Variants in LRP1B observed in about 807,000 individuals in gnomAD.
LRP1B encodes the protein LDL receptor related protein 1B, also known as low-density lipoprotein receptor-related protein 1B.
Under a neutral mutation model 556.6 loss-of-function variants are expected in LRP1B, and 217 were observed. The observed-to-expected ratio is 0.39, with a 90% CI of 0.35 to 0.44. LRP1B has a LOEUF of 0.44. Among genes scored for constraint, LRP1B ranks in the 20% least tolerant of loss-of-function variants. LRP1B has a pLI of 1.00. For synonymous variants in LRP1B, 2,047 were observed against 1,865.8 expected (o/e 1.10, Z -2.50); for missense variants, 5,053 against 5,620.8 (o/e 0.90, Z 3.23).
At chr2:140,743,375 TAGAGATTGGAAAAACAG>T (rs1688203934) in intron 35 of LRP1B, among the ~76,000 whole-genome samples, 1 of 152,104 alleles carries the variant, frequency 6.6e-6, no homozygotes, top group Admixed American at 6.5e-5. Context: ...AAAGAAAGGT[TAGAGATTGGAAAAACAG>T]AGAGATTGGA....
intron 2 of LRP1B, among the ~76,000 whole-genome samples, chr2:141,777,143 T>C (rs1191896151): frequency 2.6e-5 from 4 of 152,196 alleles, no homozygotes; most frequent in Non-Finnish European, 5.9e-5. Flanking sequence ...TAAGACATGA[T>C]TGCCATTTAT....
intron 12 of LRP1B, among the ~76,000 whole-genome samples, chr2:141,018,833 C>T (rs949479161): frequency 6.6e-6 from 1 of 152,044 alleles, no homozygotes; most frequent in Admixed American, 6.6e-5. Context: ...GAAACACTTA[C>T]AATGAGTTCA....
chr2:141,198,053 G>C (rs960289965), intron 6 of LRP1B, among the ~76,000 whole-genome samples: 1 of 151,990 alleles, frequency 6.6e-6, no homozygotes. Context: ...CATTTTCCTC[G>C]ATTTATGTAT....
chr2:141,766,255 G>C (rs896573808), intron 2 of LRP1B, among the ~76,000 whole-genome samples: 1 of 152,184 alleles, frequency 6.6e-6, no homozygotes, highest in African/African-American at 2.4e-5. Flanking sequence ...ATAAGCAGCA[G>C]ATTTGGGTGA....
At chr2:141,269,941 G>GA (rs2105366790) in intron 3 of LRP1B, among the ~76,000 whole-genome samples, 1 of 151,764 alleles carries the variant, frequency 6.6e-6, no homozygotes, top group African/African-American at 2.4e-5. Context: ...GACAACAAAA[G>GA]AAAAAAATAC....
At chr2:141,350,830 C>G (rs1688418598) in intron 3 of LRP1B, among the ~76,000 whole-genome samples, 1 of 151,902 alleles carries the variant, frequency 6.6e-6, no homozygotes, top group African/African-American at 2.4e-5. Flanking sequence ...ATGAGATGAG[C>G]CATAGATTTT....
Position 140,444,316 on chromosome 2 carries a change from T to C in LRP1B, c.10294+14A>G, listed in dbSNP as rs1371734841. ...CAAAGTTAAGACAAGACAGAGTATTTTGAGGTGACTTACGACAGTCTCTTT... is the reference window on the plus strand; with the variant it reads ...CAAAGTTAAGACAAGACAGAGTATTCTGAGGTGACTTACGACAGTCTCTTT... On this transcript the variant is annotated intron_variant, in intron 65 of 90. Coordinates refer to ENST00000389484, the MANE Select transcript of LRP1B (RefSeq NM_018557.3). 4 of 1,613,584 alleles carry C rather than the reference T, an allele frequency of 2.5e-6. No individual in the cohort carries two copies. The Admixed American group carries it at 5.0e-5, about 20-fold the overall frequency.
intron 2 of LRP1B, among the ~76,000 whole-genome samples, chr2:141,551,640 T>C (rs1016126521): frequency 9.2e-5 from 14 of 152,028 alleles, no homozygotes; most frequent in Admixed American, 5.9e-4. Flanking sequence ...ATTCTTATAA[T>C]TGGCTACATA....
intron 23 of LRP1B, among the ~76,000 whole-genome samples, chr2:140,888,928 A>C (rs1184977484): frequency 6.9e-6 from 1 of 145,550 alleles, no homozygotes; most frequent in Non-Finnish European, 1.5e-5. Flanking sequence ...ATGCCACTGC[A>C]CTCCAGCCTG....
At chr2:142,022,798 G>A (rs1361156168) in intron 1 of LRP1B, among the ~76,000 whole-genome samples, 1 of 152,166 alleles carries the variant, frequency 6.6e-6, no homozygotes, top group Non-Finnish European at 1.5e-5. Context: ...AGCTTCCTGA[G>A]TAGCTGAGGT....
intron 1 of LRP1B, among the ~76,000 whole-genome samples, chr2:142,015,167 C>T (rs1462163483): frequency 6.6e-6 from 1 of 152,070 alleles, no homozygotes; most frequent in Non-Finnish European, 1.5e-5. Context: ...TATACGAACT[C>T]AAGGAAAACA....
At chr2:141,044,187 T>C (rs1422946375) in intron 11 of LRP1B, among the ~76,000 whole-genome samples, 2 of 151,588 alleles carry the variant, frequency 1.3e-5, no homozygotes, top group African/African-American at 4.8e-5. Context: ...CCCTATTTAA[T>C]AAATGGTGCT....
intron 1 of LRP1B, among the ~76,000 whole-genome samples, chr2:142,113,347 G>A (rs1278353548): frequency 6.6e-6 from 1 of 152,052 alleles, no homozygotes; most frequent in Non-Finnish European, 1.5e-5. Context: ...GCTATTATCA[G>A]AAGTTAAACT....
intron 83 of LRP1B, among the ~76,000 whole-genome samples, chr2:140,307,371 C>G (rs980263663): frequency 2.0e-5 from 3 of 151,790 alleles, no homozygotes; most frequent in Non-Finnish European, 4.4e-5. Flanking sequence ...ATTATTACTA[C>G]TATTAATATT....
intron 1 of LRP1B, among the ~76,000 whole-genome samples, chr2:141,936,699 G>T (rs1700644178): frequency 6.6e-6 from 1 of 152,144 alleles, no homozygotes; most frequent in Admixed American, 6.5e-5. Context: ...GCAGCATTTT[G>T]TATTCCCATT....
chr2:141,749,064 G>A (rs779895237), intron 2 of LRP1B, among the ~76,000 whole-genome samples: 2 of 152,006 alleles, frequency 1.3e-5, no homozygotes, highest in Non-Finnish European at 2.9e-5. Flanking sequence ...TTTATAAAAC[G>A]AATTTAGAAA....
intron 1 of LRP1B, among the ~76,000 whole-genome samples, chr2:141,947,127 T>G (rs1700974645): frequency 6.6e-6 from 1 of 152,046 alleles, no homozygotes; most frequent in Non-Finnish European, 1.5e-5. Flanking sequence ...ACAATTTATA[T>G]ATTTTTAAAA....
At chr2:141,043,523 G>T (rs1258500882) in intron 11 of LRP1B, among the ~76,000 whole-genome samples, 1 of 151,948 alleles carries the variant, frequency 6.6e-6, no homozygotes, top group East Asian at 1.9e-4. Flanking sequence ...TTAATTATAG[G>T]ATCTATGGAA....
intron 66 of LRP1B, among the ~76,000 whole-genome samples, chr2:140,428,888 T>C (rs1399235686): frequency 1.3e-5 from 2 of 152,132 alleles, no homozygotes; most frequent in African/African-American, 4.8e-5. Flanking sequence ...CCTGCCCAGT[T>C]CCCTTATTAG....
Sources: gnomAD v4.1 joint callset for allele counts (sites outside exome capture counted in the v4.1 genomes callset) on GRCh38, gnomAD v4.1.1 for gene constraint, MANE v1.5 for transcripts, NCBI Gene and HGNC (gene_info 2026-07-23, HGNC 2026-07-21) for gene names.